The following ATRNL1 variants were observed in gnomAD, a reference collection of about 807,000 sequenced individuals.
ATRNL1 encodes attractin-like protein 1.
Under a neutral mutation model 182.7 loss-of-function variants are expected in ATRNL1, and 95 were observed. The ratio of observed to expected loss-of-function variants is 0.52; its 90% CI spans 0.44 to 0.62. ATRNL1 has a LOEUF of 0.62. Among genes scored for constraint, ATRNL1 ranks in the 20% least tolerant of loss-of-function variants. The pLI is 0.00. For missense variants in ATRNL1, 1,471 were observed against 1,679.5 expected, an observed-to-expected ratio of 0.88 and a Z score of 2.17; for synonymous variants, 576 against 568.3, an observed-to-expected ratio of 1.01 and a Z score of -0.19.
chr10:115,533,491 CT>C (rs1554989140), intron 25 of ATRNL1, among the ~76,000 whole-genome samples: 3 of 151,902 alleles, frequency 2.0e-5, no homozygotes, highest in African/African-American at 7.3e-5. Flanking sequence ...ATTCTTCTCT[CT>C]TTTTTTCTTT....
chr10:115,523,579 T>C (rs2133715208), intron 25 of ATRNL1, among the ~76,000 whole-genome samples: 1 of 152,330 alleles, frequency 6.6e-6, no homozygotes, highest in South Asian at 2.1e-4. Flanking sequence ...GCAGCCACAT[T>C]ACTTCTTGAG....
intron 27 of ATRNL1, among the ~76,000 whole-genome samples, chr10:115,827,831 G>A (rs1950471364): frequency 6.6e-6 from 1 of 152,156 alleles, no homozygotes; most frequent in Non-Finnish European, 1.5e-5. Flanking sequence ...GCCTTAAGCA[G>A]TGGTCACAAT....
chr10:115,815,787 G>T (rs1479632412), intron 27 of ATRNL1, among the ~76,000 whole-genome samples: 2 of 152,064 alleles, frequency 1.3e-5, no homozygotes, highest in African/African-American at 4.8e-5. Context: ...ATTTAGAAAG[G>T]CTGGAAAATA....
chr10:115,799,278 AT>A (rs1261193221), intron 27 of ATRNL1, among the ~76,000 whole-genome samples: 1 of 152,234 alleles, frequency 6.6e-6, no homozygotes, highest in Non-Finnish European at 1.5e-5. Context: ...AAATTCTACA[AT>A]AACACACCTG....
intron 19 of ATRNL1, among the ~76,000 whole-genome samples, chr10:115,341,055 C>T (rs1235838041): frequency 6.6e-6 from 1 of 150,638 alleles, no homozygotes; most frequent in Non-Finnish European, 1.5e-5. Flanking sequence ...TTCTTATTTT[C>T]TTCTATTAAT....
At chr10:115,293,541 G>A (rs548781866) in intron 15 of ATRNL1, among the ~76,000 whole-genome samples, 4 of 152,054 alleles carry the variant, frequency 2.6e-5, no homozygotes, top group African/African-American at 4.8e-5. Flanking sequence ...TCCTTAGTGT[G>A]TTGGCTCTAC....
chr10:115,777,141 T>C (rs904838457), intron 27 of ATRNL1, among the ~76,000 whole-genome samples: 7 of 152,160 alleles, frequency 4.6e-5, no homozygotes. Context: ...AATTGTAGAA[T>C]TGAGGTGATA....
intron 26 of ATRNL1, among the ~76,000 whole-genome samples, chr10:115,593,318 G>T (rs1472158043): frequency 6.6e-6 from 1 of 152,140 alleles, no homozygotes; most frequent in Admixed American, 6.5e-5. Flanking sequence ...CAAAGCCGAG[G>T]TATCTCACAT....
chr10:115,792,496 A>G (rs1220937719), intron 27 of ATRNL1, among the ~76,000 whole-genome samples: 1 of 152,092 alleles, frequency 6.6e-6, no homozygotes, highest in Non-Finnish European at 1.5e-5. Flanking sequence ...TTGCCGTTTT[A>G]CTTATCTAAA....
At chr10:115,705,426 A>T (rs1555052779) in intron 26 of ATRNL1, among the ~76,000 whole-genome samples, 1 of 151,986 alleles carries the variant, frequency 6.6e-6, no homozygotes, top group Non-Finnish European at 1.5e-5. Flanking sequence ...TTCTCAGACC[A>T]GTGATATTTC....
At chr10:115,337,487 G>A (rs1554937100) in intron 19 of ATRNL1, among the ~76,000 whole-genome samples, 1 of 151,832 alleles carries the variant, frequency 6.6e-6, no homozygotes, top group Non-Finnish European at 1.5e-5. Context: ...CTGCCCTCCA[G>A]CCCTCTAACT....
chr10:115,158,249 C>T (rs986636364), intron 5 of ATRNL1, among the ~76,000 whole-genome samples: 35 of 152,040 alleles, frequency 2.3e-4, no homozygotes, highest in African/African-American at 8.2e-4. Flanking sequence ...GATTTCATGT[C>T]TTTTCAGTTA....
chr10:115,591,774 G>T (rs1592912551), intron 26 of ATRNL1, among the ~76,000 whole-genome samples: 1 of 152,146 alleles, frequency 6.6e-6, no homozygotes, highest in African/African-American at 2.4e-5. Flanking sequence ...ATTACTCAAA[G>T]AACTTACAAC....
chr10:115,757,525 T>C (rs1468123980), intron 27 of ATRNL1, among the ~76,000 whole-genome samples: 1 of 152,228 alleles, frequency 6.6e-6, no homozygotes, highest in Non-Finnish European at 1.5e-5. Flanking sequence ...TGTCAAGAAA[T>C]CCACTGTTAG....
intron 28 of ATRNL1, among the ~76,000 whole-genome samples, chr10:115,912,853 C>G (rs2134530484): frequency 6.6e-6 from 1 of 152,258 alleles, no homozygotes; most frequent in East Asian, 1.9e-4. Context: ...CAAGGGGCTT[C>G]CTCCACACAA....
chr10:115,930,340 A>G (rs1275489070), intron 28 of ATRNL1, among the ~76,000 whole-genome samples: 1 of 152,032 alleles, frequency 6.6e-6, no homozygotes, highest in Non-Finnish European at 1.5e-5. Flanking sequence ...TGTAGTGTAA[A>G]CCTCTTCAGG....
chr10:115,588,630 G>C (rs2804194), intron 26 of ATRNL1, among the ~76,000 whole-genome samples: 1 of 151,970 alleles, frequency 6.6e-6, no homozygotes, highest in Non-Finnish European at 1.5e-5. Flanking sequence ...GGAGTTTGGG[G>C]TTCCTTCCCA....
chr10:115,911,183 A>G (rs1335241217), intron 28 of ATRNL1, among the ~76,000 whole-genome samples: 3 of 152,008 alleles, frequency 2.0e-5, no homozygotes, highest in Non-Finnish European at 2.9e-5. Context: ...TATTTATAGT[A>G]GATAGAGGGC....
intron 28 of ATRNL1, among the ~76,000 whole-genome samples, chr10:115,879,709 A>C (rs1327812797): frequency 6.6e-6 from 1 of 152,202 alleles, no homozygotes; most frequent in Non-Finnish European, 1.5e-5. Context: ...ATAGATTGTA[A>C]ATGATAATCA....
Sources: allele counts gnomAD v4.1 joint callset (sites outside exome capture counted in the v4.1 genomes callset), GRCh38; gene constraint gnomAD v4.1.1; transcripts MANE v1.5; gene names NCBI Gene and HGNC (gene_info 2026-07-23, HGNC 2026-07-21).